The following KCNIP4 variants were observed in gnomAD, a reference collection of about 807,000 sequenced individuals.
KCNIP4 encodes the protein Kv channel-interacting protein 4.
A neutral mutation model predicts 34.0 loss-of-function variants in KCNIP4; 12 were observed. The observed-to-expected ratio is 0.35, with a 90% confidence interval of 0.23 to 0.57. The LOEUF is 0.57. KCNIP4 is among the 20% of genes least tolerant of loss of function. KCNIP4 has a pLI of 0.83. For missense variants in KCNIP4, 238 were observed against 311.7 expected (o/e 0.76, Z 1.78); for synonymous variants, 124 against 102.2 (o/e 1.21, Z -1.29).
chr4:20,743,656 C>T (rs1354222930), intron 5 of KCNIP4, among the ~76,000 whole-genome samples: 3 of 152,058 alleles, frequency 2.0e-5, no homozygotes, highest in Non-Finnish European at 2.9e-5. Context: ...AGACCTAAAA[C>T]CATAAAAACC....
chr4:20,951,843 C>A (rs571179385), intron 1 of KCNIP4, among the ~76,000 whole-genome samples: 2 of 152,248 alleles, frequency 1.3e-5, no homozygotes, highest in East Asian at 3.9e-4. Flanking sequence ...CAGTCAAAAA[C>A]CATGTATTCT....
rs74783762 is a variant in KCNIP4 at position 21,306,797 on chromosome 4, C to T, written c.62-424088G>A. On this transcript the variant is annotated intron_variant, in intron 1 of 8. Transcript: ENST00000382152. ...CACATTTAAAGTTGATGACCTGGGG[C>T]TGAGAAACATATGTAGGCAGGAACT... Among the ~76,000 whole-genome samples, 865 of 151,882 alleles carry T rather than the reference C, an allele frequency of 5.7e-3. 5 individuals carry two copies. The highest frequency in any genetic ancestry group is 0.02 in the African/African-American group (824 of 41,394).
At chr4:20,778,801 G>A (rs968618270) in intron 3 of KCNIP4, among the ~76,000 whole-genome samples, 3 of 152,176 alleles carry the variant, frequency 2.0e-5, no homozygotes, top group African/African-American at 7.2e-5. Flanking sequence ...AACTTAGACA[G>A]CTGTTTTAGG....
At chr4:21,760,623 CA>C (rs1717985475) in intron 1 of KCNIP4, among the ~76,000 whole-genome samples, 1 of 151,964 alleles carries the variant, frequency 6.6e-6, no homozygotes, top group Admixed American at 6.6e-5. Flanking sequence ...TCTGAATACA[CA>C]AGTAGCTCCA....
intron 1 of KCNIP4, among the ~76,000 whole-genome samples, chr4:21,152,646 G>A (rs1439029971): frequency 6.6e-6 from 1 of 151,976 alleles, no homozygotes; most frequent in Non-Finnish European, 1.5e-5. Context: ...TTTAAAGAAT[G>A]AGTCCCCAAT....
intron 1 of KCNIP4, among the ~76,000 whole-genome samples, chr4:21,320,357 C>T (rs1048423807): frequency 5.9e-5 from 9 of 152,182 alleles, no homozygotes; most frequent in African/African-American, 2.2e-4. Context: ...CAGGGGCTAG[C>T]ATACTCGGGC....
chr4:21,212,187 A>G (rs1357831951), intron 1 of KCNIP4, among the ~76,000 whole-genome samples: 1 of 152,224 alleles, frequency 6.6e-6, no homozygotes, highest in Non-Finnish European at 1.5e-5. Flanking sequence ...TGCAGTCTAA[A>G]GGCTGAGTTA....
intron 1 of KCNIP4, among the ~76,000 whole-genome samples, chr4:21,708,747 G>T (rs935425607): frequency 3.9e-5 from 6 of 152,150 alleles, no homozygotes; most frequent in African/African-American, 1.2e-4. Flanking sequence ...AAACAATGAG[G>T]TTGCTCATTT....
intron 1 of KCNIP4, among the ~76,000 whole-genome samples, chr4:20,942,991 G>C (rs1475310791): frequency 6.6e-6 from 1 of 152,102 alleles, no homozygotes; most frequent in Non-Finnish European, 1.5e-5. Context: ...TCATTCTAAG[G>C]AGCTTATGTA....
chr4:21,678,034 G>A (rs1750043944), intron 1 of KCNIP4, among the ~76,000 whole-genome samples: 1 of 152,198 alleles, frequency 6.6e-6, no homozygotes, highest in Non-Finnish European at 1.5e-5. Context: ...CTACAGGCGT[G>A]AGCCACTGCG....
intron 1 of KCNIP4, among the ~76,000 whole-genome samples, chr4:21,184,008 T>C (rs1365525391): frequency 6.6e-6 from 1 of 152,140 alleles, no homozygotes; most frequent in Non-Finnish European, 1.5e-5. Flanking sequence ...TGTTTATTAA[T>C]TTTCTTGTAT....
At chr4:20,900,663 C>T (rs1366138370) in intron 1 of KCNIP4, among the ~76,000 whole-genome samples, 1 of 152,154 alleles carries the variant, frequency 6.6e-6, no homozygotes, top group Non-Finnish European at 1.5e-5. Context: ...TTCAAACTTG[C>T]AGAGCCAGCT....
intron 8 of KCNIP4, chr4:20,731,532 G>A (rs1748204818): frequency 1.0e-6 from 1 of 985,374 alleles, no homozygotes; most frequent in African/African-American, 1.7e-5. Context: ...AGTGAGTTCA[G>A]TCAAAGAGCC....
intron 1 of KCNIP4, among the ~76,000 whole-genome samples, chr4:21,905,874 C>T (rs1727974567): frequency 6.6e-6 from 1 of 152,034 alleles, no homozygotes; most frequent in African/African-American, 2.4e-5. Context: ...TCAGACTCAC[C>T]CCATGGGCAT....
chr4:21,286,289 C>T (rs1560253800), intron 1 of KCNIP4, among the ~76,000 whole-genome samples: 1 of 152,166 alleles, frequency 6.6e-6, no homozygotes, highest in Non-Finnish European at 1.5e-5. Flanking sequence ...GGATACCTGC[C>T]TATGATAAGG....
At chr4:21,003,221 C>T (rs1004693714) in intron 1 of KCNIP4, among the ~76,000 whole-genome samples, 29 of 152,160 alleles carry the variant, frequency 1.9e-4, no homozygotes, top group Admixed American at 6.5e-5. Flanking sequence ...TTTGAACCCA[C>T]ATCTGATTTC....
chr4:20,853,712 A>G (rs1721279409), intron 2 of KCNIP4, among the ~76,000 whole-genome samples: 1 of 152,200 alleles, frequency 6.6e-6, no homozygotes, highest in Non-Finnish European at 1.5e-5. Flanking sequence ...TAAACAGACA[A>G]CCCACAGAGT....
chr4:21,155,826 G>A (rs887271923), intron 1 of KCNIP4, among the ~76,000 whole-genome samples: 2 of 152,202 alleles, frequency 1.3e-5, no homozygotes, highest in African/African-American at 4.8e-5. Flanking sequence ...GGGAAGAGTT[G>A]GCTATATCTG....
At chr4:20,907,625 C>T (rs911984342) in intron 1 of KCNIP4, among the ~76,000 whole-genome samples, 1 of 152,120 alleles carries the variant, frequency 6.6e-6, no homozygotes, top group East Asian at 1.9e-4. Flanking sequence ...TCATTGAGAA[C>T]TTAGGAGAGA....
Sources: allele counts gnomAD v4.1 joint callset (sites outside exome capture counted in the v4.1 genomes callset), GRCh38; gene constraint gnomAD v4.1.1; transcripts MANE v1.5; gene names NCBI Gene and HGNC (gene_info 2026-07-23, HGNC 2026-07-21).